The following UVRAG variants were observed in gnomAD, a reference collection of about 807,000 sequenced individuals.
UVRAG encodes the protein UV radiation resistance associated.
Under a neutral mutation model 78.0 loss-of-function variants are expected in UVRAG, and 19 were observed. That is an observed-to-expected ratio of 0.24 (90% CI 0.17 to 0.36). UVRAG has a LOEUF of 0.36. UVRAG is among the 10% of genes least tolerant of loss of function. The probability of loss-of-function intolerance (pLI) is 1.00; values close to 1 mark genes in which losing one functional copy is unlikely to be tolerated. For synonymous variants in UVRAG, 323 were observed against 324.6 expected, an observed-to-expected ratio of 1.00 and a Z score of 0.05; for missense variants, 740 against 853.8, an observed-to-expected ratio of 0.87 and a Z score of 1.66.
intron 12 of UVRAG, among the ~76,000 whole-genome samples, chr11:76,040,680 C>T (rs191177443): frequency 1.2e-3 from 177 of 152,000 alleles, no homozygotes; most frequent in African/African-American, 4.1e-3. Flanking sequence ...CTCAGCCTCC[C>T]GAGTAGCTGG....
chr11:75,848,378 A>G (rs1456907357), intron 1 of UVRAG, among the ~76,000 whole-genome samples: 1 of 152,142 alleles, frequency 6.6e-6, no homozygotes, highest in East Asian at 1.9e-4. Context: ...TGGTCAGTTT[A>G]TGGAGTTTGT....
At chr11:76,124,034 G>T (rs1338220093) in intron 14 of UVRAG, among the ~76,000 whole-genome samples, 1 of 152,186 alleles carries the variant, frequency 6.6e-6, no homozygotes, top group Non-Finnish European at 1.5e-5. Context: ...AAAGTGCTGG[G>T]ATTACAGGCA....
At chr11:76,050,076 T>G (rs1950833310) in intron 12 of UVRAG, among the ~76,000 whole-genome samples, 1 of 152,216 alleles carries the variant, frequency 6.6e-6, no homozygotes, top group Non-Finnish European at 1.5e-5. Flanking sequence ...TCAACATCAT[T>G]GTTATTGCTG....
intron 9 of UVRAG, among the ~76,000 whole-genome samples, chr11:76,006,832 A>C (rs528076473): frequency 6.6e-6 from 1 of 152,130 alleles, no homozygotes; most frequent in Non-Finnish European, 1.5e-5. Flanking sequence ...AATACCATCC[A>C]GATCTTTCTT....
At chr11:75,977,913 T>C (rs1949282918) in intron 7 of UVRAG, among the ~76,000 whole-genome samples, 1 of 152,234 alleles carries the variant, frequency 6.6e-6, no homozygotes, top group African/African-American at 2.4e-5. Context: ...CCTGTCATTA[T>C]GATGTTAGCT....
intron 6 of UVRAG, among the ~76,000 whole-genome samples, chr11:75,937,535 C>T (rs1310916008): frequency 3.3e-5 from 5 of 152,106 alleles, no homozygotes; most frequent in African/African-American, 4.8e-5. Context: ...ATCTAGGTTA[C>T]GGGTTTTTTA....
intron 12 of UVRAG, among the ~76,000 whole-genome samples, chr11:76,062,458 A>G (rs1395863379): frequency 6.6e-6 from 1 of 152,156 alleles, no homozygotes; most frequent in East Asian, 1.9e-4. Context: ...CCTGTAACGC[A>G]TATACCATTC....
intron 2 of UVRAG, among the ~76,000 whole-genome samples, chr11:75,858,040 CT>C (rs1419637685): frequency 3.3e-5 from 5 of 152,064 alleles, no homozygotes; most frequent in Admixed American, 6.6e-5. Flanking sequence ...TTTCAGGTCA[CT>C]TTTGCTTATT....
intron 13 of UVRAG, among the ~76,000 whole-genome samples, chr11:76,095,437 T>G (rs1951770591): frequency 6.6e-6 from 1 of 152,068 alleles, no homozygotes; most frequent in Non-Finnish European, 1.5e-5. Context: ...TTAAGCTAAT[T>G]AAGCCATTAA....
intron 13 of UVRAG, among the ~76,000 whole-genome samples, chr11:76,073,373 A>G (rs867629304): frequency 2.6e-5 from 4 of 152,164 alleles, no homozygotes; most frequent in African/African-American, 4.8e-5. Context: ...GTATTTGGCA[A>G]ACATTTTCTC....
intron 12 of UVRAG, among the ~76,000 whole-genome samples, chr11:76,024,695 A>C (rs1464114903): frequency 1.3e-5 from 2 of 152,208 alleles, no homozygotes; most frequent in East Asian, 1.9e-4. Context: ...AAGTACTTCA[A>C]ATCCTTTTTG....
At chr11:76,031,925 T>G (rs1365640318) in intron 12 of UVRAG, among the ~76,000 whole-genome samples, 1 of 152,228 alleles carries the variant, frequency 6.6e-6, no homozygotes, top group East Asian at 1.9e-4. Context: ...TGTTCTGATA[T>G]GAAGTAATCA....
intron 1 of UVRAG, among the ~76,000 whole-genome samples, chr11:75,849,418 T>C (rs1590931333): frequency 1.4e-5 from 2 of 143,494 alleles, no homozygotes; most frequent in South Asian, 4.4e-4. Context: ...GGCATGAACC[T>C]GGGAGGCGGA....
chr11:75,907,400 ATTT>A (rs934059327), intron 5 of UVRAG, among the ~76,000 whole-genome samples: 1 of 138,180 alleles, frequency 7.2e-6, no homozygotes. Context: ...CTAGTTTGTG[ATTT>A]TTTTTTTTTT....
chr11:76,043,209 GTAT>G (rs1950684786), intron 12 of UVRAG, among the ~76,000 whole-genome samples: 1 of 152,094 alleles, frequency 6.6e-6, no homozygotes, highest in African/African-American at 2.4e-5. Context: ...GAAGTGGGTA[GTAT>G]TATTTAAACT....
At chr11:76,074,023 T>A (rs1370890426) in intron 13 of UVRAG, among the ~76,000 whole-genome samples, 1 of 152,194 alleles carries the variant, frequency 6.6e-6, no homozygotes, top group Non-Finnish European at 1.5e-5. Context: ...CTAAGTTTCT[T>A]TTTTGGAAAA....
intron 3 of UVRAG, among the ~76,000 whole-genome samples, chr11:75,867,736 A>C (rs941187730): frequency 2.6e-5 from 4 of 152,208 alleles, no homozygotes; most frequent in Non-Finnish European, 5.9e-5. Context: ...TCTCACCCCC[A>C]GTCTGCAAGA....
intron 3 of UVRAG, among the ~76,000 whole-genome samples, chr11:75,871,105 C>G (rs1408200880): frequency 2.0e-5 from 3 of 152,122 alleles, no homozygotes; most frequent in African/African-American, 7.2e-5. Flanking sequence ...AACCCCAGAC[C>G]TCAGGTGATT....
chr11:75,933,635 G>A (rs561893832), intron 6 of UVRAG, among the ~76,000 whole-genome samples: 2 of 152,254 alleles, frequency 1.3e-5, no homozygotes, highest in South Asian at 4.1e-4. Flanking sequence ...AATGTATAAG[G>A]AGCTCAAACA....
Sources: allele counts gnomAD v4.1 joint callset (sites outside exome capture counted in the v4.1 genomes callset), GRCh38; gene constraint gnomAD v4.1.1; transcripts MANE v1.5; gene names NCBI Gene and HGNC (gene_info 2026-07-23, HGNC 2026-07-21).